ANKS1B: variants seen among roughly 807,000 people sequenced by gnomAD.
ANKS1B encodes ankyrin repeat and sterile alpha motif domain-containing protein 1B.
A neutral mutation model predicts 148.3 loss-of-function variants in ANKS1B; 36 were observed. That is an observed-to-expected ratio of 0.24 (90% CI 0.19 to 0.32). The LOEUF is 0.32. Among genes scored for constraint, ANKS1B ranks in the 10% least tolerant of loss-of-function variants. The pLI, the probability that ANKS1B is intolerant of heterozygous loss-of-function variation, is 1.00. For missense variants in ANKS1B, 1,157 were observed against 1,542.6 expected, an observed-to-expected ratio of 0.75 and a Z score of 4.19; for synonymous variants, 542 against 560.8, an observed-to-expected ratio of 0.97 and a Z score of 0.47.
chr12:98,806,349 C>G (rs1300236050), intron 20 of ANKS1B, among the ~76,000 whole-genome samples: 1 of 152,066 alleles, frequency 6.6e-6, no homozygotes, highest in East Asian at 1.9e-4. Context: ...AAAATAGAAC[C>G]TTTAAAATCT....
chr12:99,296,790 T>C (rs935097118), intron 12 of ANKS1B, among the ~76,000 whole-genome samples: 1 of 152,198 alleles, frequency 6.6e-6, no homozygotes, highest in Non-Finnish European at 1.5e-5. Flanking sequence ...ATTTGTCGAA[T>C]GATTGACTAT....
chr12:99,510,544 T>C (rs2096754636), intron 9 of ANKS1B, among the ~76,000 whole-genome samples: 2 of 151,976 alleles, frequency 1.3e-5, no homozygotes, highest in Admixed American at 6.6e-5. Context: ...TAGGACTGAA[T>C]TGCTGTAATC....
intron 8 of ANKS1B, among the ~76,000 whole-genome samples, chr12:99,699,183 CGT>C (rs1364450551): frequency 2.6e-5 from 4 of 152,088 alleles, no homozygotes; most frequent in African/African-American, 7.2e-5. Flanking sequence ...CAGACACATA[CGT>C]GTGTGTGCAT....
At chr12:99,195,152 C>T (rs2081241402) in intron 14 of ANKS1B, among the ~76,000 whole-genome samples, 1 of 151,974 alleles carries the variant, frequency 6.6e-6, no homozygotes, top group Non-Finnish European at 1.5e-5. Context: ...TCCTAGTTAG[C>T]TATGCCAATA....
chr12:99,922,938 T>TA (rs35052869), intron 1 of ANKS1B, among the ~76,000 whole-genome samples: 49,545 of 146,942 alleles, frequency 0.34, 8,547 homozygotes, highest in African/African-American at 0.43. Flanking sequence ...TCCAGAACTA[T>TA]AAAAAAAAAA....
intron 14 of ANKS1B, among the ~76,000 whole-genome samples, chr12:99,180,999 C>T (rs1370138975): frequency 1.3e-5 from 2 of 152,158 alleles, no homozygotes; most frequent in African/African-American, 2.4e-5. Flanking sequence ...TAAGTTTCTC[C>T]CCAGTTTACA....
intron 1 of ANKS1B, among the ~76,000 whole-genome samples, chr12:99,935,084 T>C (rs1273788701): frequency 6.6e-6 from 1 of 152,140 alleles, no homozygotes; most frequent in Non-Finnish European, 1.5e-5. Context: ...AAATAACTTT[T>C]ACAAAACAAA....
At chr12:99,179,966 T>C (rs2078923744) in intron 14 of ANKS1B, among the ~76,000 whole-genome samples, 1 of 152,184 alleles carries the variant, frequency 6.6e-6, no homozygotes. Flanking sequence ...GCTGTAACAT[T>C]CATTTCTATG....
intron 17 of ANKS1B, among the ~76,000 whole-genome samples, chr12:98,923,036 G>A (rs73139185): frequency 7.3e-4 from 111 of 152,234 alleles, no homozygotes; most frequent in Admixed American, 2.4e-3. Context: ...CAGTGTGGCA[G>A]TGTGGGGAGA....
intron 17 of ANKS1B, among the ~76,000 whole-genome samples, chr12:99,003,135 A>G (rs1439388537): frequency 6.6e-6 from 1 of 152,136 alleles, no homozygotes; most frequent in Non-Finnish European, 1.5e-5. Flanking sequence ...TCAAAGATCA[A>G]TTGATCATAT....
intron 22 of ANKS1B, among the ~76,000 whole-genome samples, chr12:98,782,477 C>CTT (rs1272744929): frequency 6.6e-6 from 1 of 152,130 alleles, no homozygotes; most frequent in African/African-American, 2.4e-5. Flanking sequence ...AAAATAGAAA[C>CTT]TTTCTTGATT....
chr12:98,943,604 C>T (rs184273294), intron 17 of ANKS1B, among the ~76,000 whole-genome samples: 31 of 152,274 alleles, frequency 2.0e-4, no homozygotes, highest in African/African-American at 6.7e-4. Context: ...CTGAGTTCTT[C>T]CCATGCTACC....
intron 11 of ANKS1B, among the ~76,000 whole-genome samples, chr12:99,403,602 G>A (rs73372090): frequency 0.087 from 12,620 of 144,658 alleles, 2,906 homozygotes; most frequent in African/African-American, 0.29. Context: ...TTACTCTGTT[G>A]ACAGTTTCTT....
chr12:99,933,431 T>C (rs902384488), intron 1 of ANKS1B, among the ~76,000 whole-genome samples: 2 of 152,166 alleles, frequency 1.3e-5, no homozygotes, highest in Non-Finnish European at 2.9e-5. Context: ...TCCTCTTCAA[T>C]TTCTTGCATC....
At chr12:99,174,779 ACAAATATAAAAAAATTATATTTTC>A (rs1486517941) in intron 14 of ANKS1B, among the ~76,000 whole-genome samples, 1 of 152,216 alleles carries the variant, frequency 6.6e-6, no homozygotes, top group Non-Finnish European at 1.5e-5. Context: ...TTTATATTTT[ACAAATATAAAAAAATTATATTTTC>A]AAGGTATATG....
At chr12:99,494,250 C>T (rs2096581429) in intron 10 of ANKS1B, among the ~76,000 whole-genome samples, 2 of 152,080 alleles carry the variant, frequency 1.3e-5, no homozygotes, top group Admixed American at 6.6e-5. Context: ...GGGGAATAGA[C>T]ACCTGACTAA....
chr12:98,946,939 CAAAAAA>C (rs57197334), intron 17 of ANKS1B, among the ~76,000 whole-genome samples: 2 of 41,580 alleles, frequency 4.8e-5, no homozygotes, highest in East Asian at 8.7e-4. Context: ...GATCTTTTCT[CAAAAAA>C]AAAAAAAAAA....
chr12:99,395,221 G>A (rs936419350), intron 12 of ANKS1B, among the ~76,000 whole-genome samples: 1 of 151,980 alleles, frequency 6.6e-6, no homozygotes, highest in African/African-American at 2.4e-5. Flanking sequence ...ATCCATGATC[G>A]ACATTATAGC....
intron 16 of ANKS1B, among the ~76,000 whole-genome samples, chr12:99,072,766 C>G (rs2046665795): frequency 1.3e-5 from 2 of 152,184 alleles, no homozygotes; most frequent in Admixed American, 1.3e-4. Flanking sequence ...CTTAATAGTT[C>G]TCCATAGCAT....
Sources: gnomAD v4.1 joint callset for allele counts (sites outside exome capture counted in the v4.1 genomes callset) on GRCh38, gnomAD v4.1.1 for gene constraint, MANE v1.5 for transcripts, NCBI Gene and HGNC (gene_info 2026-07-23, HGNC 2026-07-21) for gene names.